Variants in CD40 observed in about 807,000 individuals in gnomAD.
CD40 encodes CD40 molecule.
In CD40, 19 loss-of-function variants were observed where a neutral mutation model predicts 38.5. The ratio of observed to expected loss-of-function variants is 0.49; its 90% confidence interval spans 0.34 to 0.72. The LOEUF (loss-of-function observed/expected upper bound fraction) is 0.72, where lower values mean the gene tolerates loss of function less well. Among genes scored for constraint, CD40 ranks in the 30% least tolerant of loss-of-function variants. The pLI, the probability that CD40 is intolerant of heterozygous loss-of-function variation, is 0.01. For synonymous variants in CD40, 130 were observed against 128.7 expected (o/e 1.01, Z -0.07); for missense variants, 256 against 344.1 (o/e 0.74, Z 2.03).
chr20:46,124,356 G>C (rs971666102), intron 5 of CD40, among the ~76,000 whole-genome samples: 1 of 152,176 alleles, frequency 6.6e-6, no homozygotes, highest in African/African-American at 2.4e-5. Context: ...AAATGGGCAA[G>C]ATAGGCACAT....
chr20:46,122,868 C>A lies in CD40; in HGVS notation c.403+112C>A. 1 of 1,381,496 alleles carries A rather than the reference C, an allele frequency of 7.2e-7. No individual in the cohort carries two copies. The highest frequency in any genetic ancestry group is 2.4e-5 in the East Asian group (1 of 41,796). 85.6% of individuals were successfully genotyped at this position (1,381,496 alleles called of 1,614,324 possible). A position where few individuals can be genotyped will look rare whatever the true frequency, so the allele number is the denominator to read the frequency against. On this transcript the variant is annotated intron_variant, in intron 4 of 8. Coordinates refer to ENST00000372285, the MANE Select transcript of CD40 (RefSeq NM_001250.6). The surrounding 1 kb of genome is among the most constrained non-coding windows in gnomAD (Gnocchi z 5.0). The stretch of plus-strand genomic sequence containing the variant: ...CCCAGAGGCAGAGGAAGCAGAGGCT[C>A]CAACCTATGTCGGTATCCCCACTGG...
In CD40 at chr20:46,129,137, G is replaced by C. The variant is rs748815275; in HGVS notation, c.*97G>C. On this transcript the variant is annotated 3_prime_UTR_variant, in exon 9 of 9. Coordinates refer to ENST00000372285, the MANE Select transcript of CD40 (RefSeq NM_001250.6). ...GCTGTGGCGTGAGGGTGAGGGGCTG[G>C]CACTGACTGGGCATAGCTCCCCGCT... 7 of 1,390,648 alleles carry C rather than the reference G, an allele frequency of 5.0e-6. No individual in the cohort carries two copies. In the South Asian group the frequency reaches 8.1e-5, roughly 16 times the overall value. The allele number at this position is 1,390,648 out of a possible 1,614,324, so 86.1% of individuals were successfully genotyped here. A position where few individuals can be genotyped will look rare whatever the true frequency, so the allele number is the denominator to read the frequency against.
intron 5 of CD40, among the ~76,000 whole-genome samples, chr20:46,125,413 G>A (rs766940087): frequency 1.3e-5 from 2 of 151,546 alleles, no homozygotes; most frequent in East Asian, 2.0e-4. Flanking sequence ...GCGTGGTGGC[G>A]CACATCTGTA....
Position 46,126,748 on chromosome 20 carries a change from A to G in CD40, c.559+47A>G. 3 of 1,613,872 alleles carry G rather than the reference A, an allele frequency of 1.9e-6. No homozygotes were observed. The East Asian group carries it at 6.7e-5, about 36-fold the overall frequency. ...CTGGAGAAAGCCTAGGAAGGTGGGA[A>G]CTGAAGGGGGAGATGAGGCACACAG... On this transcript the variant is annotated intron_variant, in intron 6 of 8. Transcript: ENST00000372285.
chr20:46,126,518 G>A (rs989657397), intron 5 of CD40, 122 bp from the exon 6 acceptor site: 4 of 1,136,956 alleles, frequency 3.5e-6, no homozygotes, highest in Admixed American at 1.9e-5. Context: ...TGTGTGCTCA[G>A]TGAACCTGGA....
intron 1 of CD40, among the ~76,000 whole-genome samples, chr20:46,120,444 C>T (rs4812999): frequency 0.015 from 2,331 of 152,304 alleles, 114 homozygotes; most frequent in Admixed American, 0.1. Flanking sequence ...ACTGGCTGTT[C>T]CCAAACTGTG....
chr20:46,120,452 G>A (rs2085295541), intron 1 of CD40, among the ~76,000 whole-genome samples: 2 of 152,236 alleles, frequency 1.3e-5, no homozygotes, highest in Non-Finnish European at 2.9e-5. Flanking sequence ...TTCCCAAACT[G>A]TGGGACAGTT....
In CD40 at chr20:46,122,280, C is replaced by G; in HGVS notation, c.178C>G (p.Leu60Val). 1 of 1,614,138 alleles carries G rather than the reference C, an allele frequency of 6.2e-7. No homozygotes were observed. The highest frequency in any genetic ancestry group is 8.5e-7 in the Non-Finnish European group (1 of 1,179,988). ...CACAGAGTTCACTGAAACGGAATGC[C>G]TTCCTTGCGGTGAAAGCGAATTCCT... Reference protein sequence around the residue: ...DCTEFTETECLPCGESEFLDT... With the variant: ...DCTEFTETECVPCGESEFLDT... Residue 60 changes from leucine to valine, a missense_variant, in exon 3 of 9, where the codon CTT becomes GTT. Physicochemically the swap from Leu to Val is conservative, Grantham distance 32 (BLOSUM62 1). Transcript: ENST00000372285. This position sits in a 1 kb window ranked among gnomAD's most constrained non-coding sequence, Gnocchi z 5.0.
At chr20:46,121,920 C>T in intron 2 of CD40, 22 bp downstream of exon 2, 2 of 1,594,204 alleles carry the variant, frequency 1.3e-6, no homozygotes, top group South Asian at 1.1e-5. Flanking sequence ...ACCCTCTAGC[C>T]CCATCATGGA....
rs949333800 is a variant in CD40 at position 46,129,679 on chromosome 20, A to T, written c.*639A>T. 6.5e-6 allele frequency: 1 copy of T among 153,478 alleles called. No homozygotes were observed. Among genetic ancestry groups the T allele is most frequent in the Non-Finnish European group, 1.5e-5 (1 of 68,942 alleles). The allele number at this position is 153,478 out of a possible 1,614,324, so 9.5% of individuals were successfully genotyped here. A position where few individuals can be genotyped will look rare whatever the true frequency, so the allele number is the denominator to read the frequency against. The stretch of plus-strand genomic sequence containing the variant: ...ATATTGATATAACAAGGGTTCTGGA[A>T]GGGTACACAGAAAACCCACAGCTCG... On this transcript the variant is annotated 3_prime_UTR_variant, in exon 9 of 9. Coordinates refer to ENST00000372285, the MANE Select transcript of CD40 (RefSeq NM_001250.6).
chr20:46,128,830 G>T (rs752084121), intron 8 of CD40, 52 bp from the exon 9 acceptor site: 2 of 1,600,154 alleles, frequency 1.2e-6, no homozygotes, highest in South Asian at 2.2e-5. Context: ...GGGCTCCTCA[G>T]AGGCACAGCT....
intron 7 of CD40, 26 bp from the exon 8 acceptor site, chr20:46,128,304 C>CTTT (rs749590513): frequency 0.011 from 15,570 of 1,416,188 alleles, 75 homozygotes; most frequent in South Asian, 0.022. Context: ...ACTCCCCATC[C>CTTT]TTTTTTTTTT....
intron 1 of CD40, among the ~76,000 whole-genome samples, chr20:46,119,309 G>T (rs2085272790): frequency 1.3e-5 from 2 of 152,212 alleles, no homozygotes; most frequent in Non-Finnish European, 2.9e-5. Context: ...GTAGATTCCT[G>T]CCTGAAGCCT....
At chr20:46,124,111 A>G (rs936193385) in intron 5 of CD40, among the ~76,000 whole-genome samples, 2 of 152,180 alleles carry the variant, frequency 1.3e-5, no homozygotes, top group African/African-American at 4.8e-5. Context: ...CAGCCAGCAC[A>G]ACATGGTAAA....
At chr20:46,125,546 C>CAAAAAA (rs60475326) in intron 5 of CD40, among the ~76,000 whole-genome samples, 2 of 69,428 alleles carry the variant, frequency 2.9e-5, no homozygotes, top group African/African-American at 5.9e-5. Flanking sequence ...GACTCTGTCT[C>CAAAAAA]AAAAAAAAAA....
chr20:46,122,466 C>T lies in CD40; in HGVS notation c.256+108C>T, dbSNP rs11569318. 1.4e-4 allele frequency: 227 copies of T among 1,566,732 alleles called. 1 individual carries two copies. The African/African-American group carries it at 2.0e-3, about 14-fold the overall frequency. On this transcript the variant is annotated intron_variant, in intron 3 of 8. Coordinates refer to ENST00000372285, the MANE Select transcript of CD40 (RefSeq NM_001250.6). This position sits in a 1 kb window ranked among gnomAD's most constrained non-coding sequence, Gnocchi z 5.0. Reference sequence around the variant, plus strand: ...GGGTCTGCTCTGATTGGTTGGAGTCCGGGCTGTACTGATCATTAAATGATT... The same window carrying T: ...GGGTCTGCTCTGATTGGTTGGAGTCTGGGCTGTACTGATCATTAAATGATT...
intron 6 of CD40, chr20:46,127,860 C>T: frequency 5.8e-6 from 3 of 514,710 alleles, no homozygotes; most frequent in Non-Finnish European, 1.0e-5. Context: ...CCAACTGGAA[C>T]CCAGTCTTCC....
intron 1 of CD40, among the ~76,000 whole-genome samples, chr20:46,121,116 G>A (rs1437462953): frequency 6.6e-6 from 1 of 152,188 alleles, no homozygotes; most frequent in African/African-American, 2.4e-5. Flanking sequence ...AATAGCATGG[G>A]TGGTACCTGG....
chr20:46,128,475 C>A, intron 8 of CD40, 117 bp downstream of exon 8: 4 of 1,168,616 alleles, frequency 3.4e-6, no homozygotes, highest in African/African-American at 1.5e-5. Flanking sequence ...AGTGGGGTGG[C>A]AGCAGAATTG....
Sources: gnomAD v4.1 joint callset for allele counts (sites outside exome capture counted in the v4.1 genomes callset) on GRCh38, gnomAD v4.1.1 for gene constraint, Gnocchi (gnomAD v3.1) non-coding constraint, MANE v1.5 for transcripts, NCBI Gene and HGNC (gene_info 2026-07-23, HGNC 2026-07-21) for gene names.